LRP1B: variants seen among roughly 807,000 people sequenced by gnomAD.
The protein encoded by LRP1B is low-density lipoprotein receptor-related protein 1B.
LRP1B carries 217 observed loss-of-function variants against 556.6 expected under a neutral mutation model. That is an observed-to-expected ratio of 0.39 (90% CI 0.35 to 0.44). LRP1B has a LOEUF of 0.44. Ranked by LOEUF, LRP1B falls within the 20% of genes least tolerant of loss-of-function variation. The pLI, the probability that LRP1B is intolerant of heterozygous loss-of-function variation, is 1.00. For missense variants in LRP1B, 5,053 were observed against 5,620.8 expected, an observed-to-expected ratio of 0.90 and a Z score of 3.23; for synonymous variants, 2,047 against 1,865.8, an observed-to-expected ratio of 1.10 and a Z score of -2.50.
At chr2:141,989,957 A>G (rs959609370) in intron 1 of LRP1B, among the ~76,000 whole-genome samples, 1 of 152,110 alleles carries the variant, frequency 6.6e-6, no homozygotes, top group African/African-American at 2.4e-5. Flanking sequence ...CTAATAACCA[A>G]TTTATAGTTC....
chr2:141,100,267 T>A (rs971491024), intron 7 of LRP1B, among the ~76,000 whole-genome samples: 8 of 152,168 alleles, frequency 5.3e-5, no homozygotes, highest in African/African-American at 1.9e-4. Context: ...GTATAATAAA[T>A]ACTCAATAAT....
intron 41 of LRP1B, among the ~76,000 whole-genome samples, chr2:140,686,243 G>A (rs1686048788): frequency 6.6e-6 from 1 of 152,110 alleles, no homozygotes; most frequent in Non-Finnish European, 1.5e-5. Context: ...ATCTGGAGAG[G>A]AGGTAAATGC....
intron 60 of LRP1B, among the ~76,000 whole-genome samples, chr2:140,460,454 G>A (rs1437717951): frequency 6.6e-6 from 1 of 152,114 alleles, no homozygotes; most frequent in Non-Finnish European, 1.5e-5. Flanking sequence ...ATGCTGAGAT[G>A]TCGTTAAATT....
Position 140,600,518 on chromosome 2 carries a change from A to G in LRP1B, c.6989+932T>C, listed in dbSNP as rs1055579851. Among the ~76,000 whole-genome samples the G allele has an allele frequency of 4.3e-4, 65 of 152,236 alleles. 1 individual carries two copies. The highest frequency in any genetic ancestry group is 6.8e-3 in the Middle Eastern group (2 of 294). On this transcript the variant is annotated intron_variant, in intron 42 of 90. Coordinates refer to ENST00000389484, the MANE Select transcript of LRP1B (RefSeq NM_018557.3). ...TTTCTTCTGACAAGTGGTCTGGGTCAGTGATTATCTGTCATTGCTTTTTAT... is the reference window on the plus strand; with the variant it reads ...TTTCTTCTGACAAGTGGTCTGGGTCGGTGATTATCTGTCATTGCTTTTTAT...
chr2:141,773,775 A>G (rs530148125), intron 2 of LRP1B, among the ~76,000 whole-genome samples: 1 of 152,388 alleles, frequency 6.6e-6, no homozygotes, highest in Non-Finnish European at 1.5e-5. Context: ...TATAGAGGAA[A>G]AGGTTTTTGC....
chr2:140,529,824 T>C (rs1021423491), intron 47 of LRP1B, among the ~76,000 whole-genome samples: 1 of 151,946 alleles, frequency 6.6e-6, no homozygotes, highest in Non-Finnish European at 1.5e-5. Flanking sequence ...CGACCTGCCA[T>C]GCAACCAGAA....
intron 25 of LRP1B, among the ~76,000 whole-genome samples, chr2:140,874,935 C>T (rs1490729736): frequency 6.6e-6 from 1 of 151,722 alleles, no homozygotes; most frequent in African/African-American, 2.4e-5. Context: ...GGGAGAATTG[C>T]TTGAACCCAG....
At chr2:141,112,310 C>T (rs1553461527) in intron 7 of LRP1B, among the ~76,000 whole-genome samples, 1 of 152,140 alleles carries the variant, frequency 6.6e-6, no homozygotes, top group Non-Finnish European at 1.5e-5. Context: ...CAATGTTCTG[C>T]CTTCTTTGCT....
intron 23 of LRP1B, 136 bp from the exon 24 acceptor site, chr2:140,886,471 C>T (rs1282465688): frequency 9.0e-6 from 5 of 555,416 alleles, no homozygotes; most frequent in African/African-American, 1.9e-5. Context: ...TTCTTTTAAT[C>T]CAAAATTTAA....
chr2:141,501,736 A>C (rs974455910), intron 2 of LRP1B, among the ~76,000 whole-genome samples: 1 of 152,164 alleles, frequency 6.6e-6, no homozygotes, highest in Non-Finnish European at 1.5e-5. Flanking sequence ...TAAAAGAAAC[A>C]TGCATTGTAG....
intron 2 of LRP1B, among the ~76,000 whole-genome samples, chr2:141,552,435 A>G (rs909562460): frequency 6.6e-6 from 1 of 152,038 alleles, no homozygotes; most frequent in Admixed American, 6.6e-5. Flanking sequence ...AAAACAAATC[A>G]TAGACTCCAA....
At chr2:140,676,741 C>T (rs192320079) in intron 41 of LRP1B, among the ~76,000 whole-genome samples, 23 of 152,100 alleles carry the variant, frequency 1.5e-4, no homozygotes, top group Admixed American at 1.2e-3. Context: ...TCCAGATATC[C>T]ATCAATAAAT....
chr2:140,387,125 T>TTG (rs1683792522), intron 66 of LRP1B, among the ~76,000 whole-genome samples: 1 of 152,298 alleles, frequency 6.6e-6, no homozygotes, highest in Non-Finnish European at 1.5e-5. Flanking sequence ...CCCTTTCGTG[T>TTG]ACTTAGATCA....
intron 31 of LRP1B, among the ~76,000 whole-genome samples, chr2:140,822,275 A>G (rs1691355061): frequency 6.6e-6 from 1 of 152,250 alleles, no homozygotes; most frequent in African/African-American, 2.4e-5. Flanking sequence ...ATTTAGCTCA[A>G]CAATGGATAA....
chr2:140,301,639 T>G (rs995677005), intron 83 of LRP1B, among the ~76,000 whole-genome samples: 3 of 151,994 alleles, frequency 2.0e-5, no homozygotes, highest in Non-Finnish European at 4.4e-5. Flanking sequence ...CTTTATGCTC[T>G]CAGAAAACAG....
chr2:141,255,348 CT>C (rs1432453387), intron 3 of LRP1B, among the ~76,000 whole-genome samples: 1 of 151,886 alleles, frequency 6.6e-6, no homozygotes, highest in Admixed American at 6.6e-5. Context: ...AAATAGATTG[CT>C]ATGATACTGT....
chr2:142,005,805 A>G (rs956451383), intron 1 of LRP1B, among the ~76,000 whole-genome samples: 1 of 151,904 alleles, frequency 6.6e-6, no homozygotes, highest in African/African-American at 2.4e-5. Flanking sequence ...GGTATATCCC[A>G]AATTCAAACC....
intron 10 of LRP1B, among the ~76,000 whole-genome samples, chr2:141,052,425 C>T (rs1004263142): frequency 3.3e-5 from 5 of 151,640 alleles, no homozygotes; most frequent in African/African-American, 4.8e-5. Flanking sequence ...CAAAAACTTT[C>T]CTTTCAATGG....
intron 38 of LRP1B, 38 bp downstream of exon 38, chr2:140,702,389 T>A (rs780911675): frequency 6.2e-7 from 1 of 1,611,238 alleles, no homozygotes; most frequent in African/African-American, 1.3e-5. Context: ...AAGTTGTCAG[T>A]TAAGGCACTT....
Sources: gnomAD v4.1 joint callset for allele counts (sites outside exome capture counted in the v4.1 genomes callset) on GRCh38, gnomAD v4.1.1 for gene constraint, MANE v1.5 for transcripts, NCBI Gene and HGNC (gene_info 2026-07-23, HGNC 2026-07-21) for gene names.